The following WDFY4 variants were observed in gnomAD, a reference collection of about 807,000 sequenced individuals.
The protein encoded by WDFY4 is WDFY family member 4, also known as WD repeat- and FYVE domain-containing protein 4.
WDFY4 carries 169 observed loss-of-function variants against 351.9 expected under a neutral mutation model. The observed-to-expected ratio is 0.48, with a 90% CI of 0.42 to 0.55. The LOEUF (loss-of-function observed/expected upper bound fraction) is 0.55. Ranked by LOEUF, WDFY4 falls within the 20% of genes least tolerant of loss-of-function variation. The probability of loss-of-function intolerance (pLI) is 0.00; values close to 1 mark genes in which losing one functional copy is unlikely to be tolerated. For missense variants in WDFY4, 3,803 were observed against 3,935.6 expected (o/e 0.97, Z 0.90); for synonymous variants, 1,622 against 1,574.6 (o/e 1.03, Z -0.71).
intron 1 of WDFY4, among the ~76,000 whole-genome samples, chr10:48,707,213 A>T (rs1236608227): frequency 6.6e-6 from 1 of 152,192 alleles, no homozygotes; most frequent in African/African-American, 2.4e-5. Flanking sequence ...AATTAAAATG[A>T]CAATGCAAGG....
chr10:48,789,182 T>G (rs1456247090), intron 21 of WDFY4, among the ~76,000 whole-genome samples: 2 of 151,964 alleles, frequency 1.3e-5, no homozygotes, highest in Non-Finnish European at 2.9e-5. Context: ...AATATTGCTG[T>G]GATTAAAACA....
At chr10:48,800,745 T>TTTC (rs59319878) in intron 24 of WDFY4, among the ~76,000 whole-genome samples, 1 of 145,942 alleles carries the variant, frequency 6.9e-6, no homozygotes, top group Admixed American at 6.8e-5. Flanking sequence ...TTTTTTTTTT[T>TTTC]GTTTTGAGAT....
intron 59 of WDFY4, among the ~76,000 whole-genome samples, chr10:48,977,976 C>A (rs376283161): frequency 8.5e-5 from 13 of 152,210 alleles, no homozygotes; most frequent in South Asian, 6.2e-4. Context: ...GCATTATGGG[C>A]AAGAGGGCAT....
chr10:48,696,136 G>T (rs1221669645), intron 1 of WDFY4, among the ~76,000 whole-genome samples: 1 of 152,190 alleles, frequency 6.6e-6, no homozygotes. Flanking sequence ...AGGGCCCTGG[G>T]CCCTGCCATT....
chr10:48,910,386 TG>T (rs1837890986), intron 47 of WDFY4: 1 of 792,560 alleles, frequency 1.3e-6, no homozygotes. Context: ...TTAGTGTGAA[TG>T]GGGGTTTTGT....
chr10:48,859,478 C>T (rs564218740), intron 39 of WDFY4, among the ~76,000 whole-genome samples: 2 of 152,168 alleles, frequency 1.3e-5, no homozygotes, highest in South Asian at 2.1e-4. Context: ...TATGACCATG[C>T]GATTTTCTTC....
intron 47 of WDFY4, among the ~76,000 whole-genome samples, chr10:48,928,404 G>A (rs908327836): frequency 1.3e-5 from 2 of 149,212 alleles, no homozygotes; most frequent in African/African-American, 4.9e-5. Flanking sequence ...GTGTTGGTGG[G>A]GGTTGGCACA....
chr10:48,789,402 C>G (rs902610413), intron 21 of WDFY4, among the ~76,000 whole-genome samples: 1 of 152,212 alleles, frequency 6.6e-6, no homozygotes, highest in Non-Finnish European at 1.5e-5. Flanking sequence ...TCCTGTTGAT[C>G]ATGAAAGTTG....
At chr10:48,855,921 A>G (rs1057453389) in intron 39 of WDFY4, among the ~76,000 whole-genome samples, 3 of 152,134 alleles carry the variant, frequency 2.0e-5, no homozygotes, top group African/African-American at 7.2e-5. Flanking sequence ...TATAGATTAA[A>G]CTTTATCATA....
At chr10:48,698,218 A>T (rs1565102397) in intron 1 of WDFY4, among the ~76,000 whole-genome samples, 1 of 152,280 alleles carries the variant, frequency 6.6e-6, no homozygotes, top group East Asian at 1.9e-4. Flanking sequence ...GGAATGCAGG[A>T]CTTGATGCCA....
At chr10:48,756,404 T>G (rs1244079352) in intron 12 of WDFY4, among the ~76,000 whole-genome samples, 1 of 24,176 alleles carries the variant, frequency 4.1e-5, no homozygotes, top group African/African-American at 6.8e-5. Flanking sequence ...TCTAGAAGTT[T>G]TTTTTTTTAT....
At chr10:48,977,071 T>C (rs1424921742) in intron 59 of WDFY4, 92 bp downstream of exon 59, 3 of 1,276,472 alleles carry the variant, frequency 2.4e-6, no homozygotes, top group Non-Finnish European at 3.0e-6. Flanking sequence ...AACCTGCAGG[T>C]TGCATTTGAG....
chr10:48,941,116 C>T (rs1040932384), intron 47 of WDFY4, among the ~76,000 whole-genome samples: 6 of 152,114 alleles, frequency 3.9e-5, no homozygotes, highest in African/African-American at 7.2e-5. Context: ...GTCATGGGGG[C>T]GGTGAATCAG....
chr10:48,913,855 G>A, intron 47 of WDFY4: 1 of 1,614,104 alleles, frequency 6.2e-7, no homozygotes, highest in South Asian at 1.1e-5. Flanking sequence ...CTGACGTTGA[G>A]GTAGAGCAGG....
intron 40 of WDFY4, among the ~76,000 whole-genome samples, chr10:48,873,164 C>G (rs1231238472): frequency 6.6e-6 from 1 of 152,246 alleles, no homozygotes; most frequent in Non-Finnish European, 1.5e-5. Flanking sequence ...GGTAAAATAG[C>G]TGTCCAGTCC....
intron 12 of WDFY4, among the ~76,000 whole-genome samples, chr10:48,759,460 G>T (rs2065434913): frequency 6.6e-6 from 1 of 152,132 alleles, no homozygotes; most frequent in Non-Finnish European, 1.5e-5. Context: ...AGAGCAATGG[G>T]AATTTTACCT....
intron 55 of WDFY4, 197 bp downstream of exon 55, chr10:48,966,870 C>T: frequency 1.4e-6 from 1 of 705,496 alleles, no homozygotes; most frequent in Non-Finnish European, 2.2e-6. Context: ...TCTGTTAGAC[C>T]CTAACTTCTG....
chr10:48,695,138 G>T (rs2063298883), intron 1 of WDFY4, among the ~76,000 whole-genome samples: 1 of 152,252 alleles, frequency 6.6e-6, no homozygotes, highest in Non-Finnish European at 1.5e-5. Context: ...TCTGTGGAGG[G>T]AATGCTGGCC....
intron 23 of WDFY4, among the ~76,000 whole-genome samples, chr10:48,795,530 TATATAC>T (rs2066840308): frequency 1.7e-4 from 13 of 77,626 alleles, no homozygotes; most frequent in East Asian, 6.3e-4. Context: ...TATACATATA[TATATAC>T]ACACACATGA....
Sources: allele counts gnomAD v4.1 joint callset (sites outside exome capture counted in the v4.1 genomes callset), GRCh38; gene constraint gnomAD v4.1.1; transcripts MANE v1.5; gene names NCBI Gene and HGNC (gene_info 2026-07-23, HGNC 2026-07-21).